SHISA9: variants seen among roughly 807,000 people sequenced by gnomAD.
SHISA9 encodes protein shisa-9.
In SHISA9, 13 loss-of-function variants were observed where a neutral mutation model predicts 38.0. The ratio of observed to expected loss-of-function variants is 0.34; its 90% confidence interval spans 0.22 to 0.54. SHISA9 has a LOEUF of 0.54. Ranked by LOEUF, SHISA9 falls within the 20% of genes least tolerant of loss-of-function variation. The pLI is 0.91. For synonymous variants in SHISA9, 275 were observed against 242.0 expected (o/e 1.14, Z -1.27); for missense variants, 538 against 575.8 (o/e 0.93, Z 0.67).
At position 12,998,935 on chromosome 16, in the gene SHISA9, G is replaced by C. The variant is rs1029975573; in HGVS notation, c.691+82120G>C. Among the ~76,000 whole-genome samples the C allele has an allele frequency of 2.0e-5, 3 of 152,132 alleles. No homozygotes were observed. The South Asian group carries it at 6.2e-4, about 32-fold the overall frequency. On this transcript the variant is annotated intron_variant, in intron 2 of 4. Transcript: ENST00000558583. ...AGCAAATCCCTAACCATTGCTCTTA[G>C]AGGAAATACAGGGTTGGGTTCCTGT... is the stretch of plus-strand genomic sequence containing the variant.
intron 2 of SHISA9, among the ~76,000 whole-genome samples, chr16:13,027,546 C>G (rs2072937714): frequency 6.6e-6 from 1 of 152,096 alleles, no homozygotes. Context: ...AACCCAATGT[C>G]TATCAATGGG....
At chr16:13,499,372 C>T in the SHISA9 span, among the ~76,000 whole-genome samples, 11 of 152,060 alleles carry the variant, frequency 7.2e-5, no homozygotes, top group Non-Finnish European at 1.2e-4. Context: ...ATTCTAAAAG[C>T]GGTGCTCTGT....
chr16:13,470,811 T>C, the SHISA9 span, among the ~76,000 whole-genome samples: 2 of 152,098 alleles, frequency 1.3e-5, no homozygotes, highest in African/African-American at 2.4e-5. Context: ...CATTGAACTG[T>C]GTTAAAGTCC....
At chr16:13,016,816 G>A (rs1567182824) in intron 2 of SHISA9, among the ~76,000 whole-genome samples, 1 of 151,962 alleles carries the variant, frequency 6.6e-6, no homozygotes, top group African/African-American at 2.4e-5. Flanking sequence ...ACATGTTGTT[G>A]TGGTACTTTT....
At chr16:13,550,022 C>CA in the SHISA9 span, among the ~76,000 whole-genome samples, 75,155 of 133,208 alleles carry the variant, frequency 0.56, 20,458 homozygotes, top group Admixed American at 0.66. Flanking sequence ...GACTGTGTCT[C>CA]AAAAAAAAAA....
At chr16:13,330,308 G>A in the SHISA9 span, among the ~76,000 whole-genome samples, 2 of 152,112 alleles carry the variant, frequency 1.3e-5, no homozygotes, top group African/African-American at 4.8e-5. Context: ...TGCATACAGT[G>A]CATCAAAGTG....
intron 4 of SHISA9, among the ~76,000 whole-genome samples, chr16:13,221,406 A>G (rs1220479160): frequency 1.4e-5 from 2 of 145,450 alleles, no homozygotes; most frequent in Admixed American, 6.9e-5. Context: ...ACTTTATACC[A>G]TGTAGTTCAA....
intron 2 of SHISA9, among the ~76,000 whole-genome samples, chr16:13,039,962 C>A (rs948436366): frequency 2.6e-5 from 4 of 152,156 alleles, no homozygotes; most frequent in Non-Finnish European, 5.9e-5. Context: ...TCCCCTGAGT[C>A]CTGCCAACTC....
rs2051413019 is a variant in SHISA9 at position 13,239,011 on chromosome 16, G to C, written c.*3602G>C. On this transcript the variant is annotated 3_prime_UTR_variant, in exon 5 of 5. Coordinates refer to ENST00000558583, the MANE Select transcript of SHISA9 (RefSeq NM_001145204.3). ...TCCCCCCACCCCACAACAGTCCCCA[G>C]AGTGTGATGTTCCCCTTCTTGTGTC... 1 of 106,910 alleles carries C rather than the reference G, an allele frequency of 9.4e-6. No individual in the cohort carries two copies. Among genetic ancestry groups the C allele is most frequent in the South Asian group, 3.1e-4 (1 of 3,210 alleles). The allele number at this position is 106,910 out of a possible 1,614,324, so 6.6% of individuals were successfully genotyped here. A position where few individuals can be genotyped will look rare whatever the true frequency, so the allele number is the denominator to read the frequency against.
At chr16:13,017,045 A>G (rs1395079001) in intron 2 of SHISA9, among the ~76,000 whole-genome samples, 4 of 143,358 alleles carry the variant, frequency 2.8e-5, no homozygotes, top group African/African-American at 5.2e-5. Context: ...TTTGAGACGG[A>G]GTCTTGCTCT....
chr16:13,355,921 G>A, the SHISA9 span, among the ~76,000 whole-genome samples: 2 of 152,212 alleles, frequency 1.3e-5, no homozygotes, highest in African/African-American at 4.8e-5. Context: ...TGCCAGGTGA[G>A]TTGAACAGTC....
chr16:13,388,972 A>G, the SHISA9 span, among the ~76,000 whole-genome samples: 13 of 152,160 alleles, frequency 8.5e-5, no homozygotes, highest in African/African-American at 2.9e-4. Flanking sequence ...AGTAGAAGGT[A>G]TAGAGTTCCC....
intron 2 of SHISA9, among the ~76,000 whole-genome samples, chr16:13,006,154 T>C (rs889675589): frequency 6.6e-6 from 1 of 152,210 alleles, no homozygotes; most frequent in African/African-American, 2.4e-5. Flanking sequence ...GAGACTCACA[T>C]GTGAGCGTTT....
intron 1 of SHISA9, among the ~76,000 whole-genome samples, chr16:12,914,578 C>T (rs2071229512): frequency 6.6e-6 from 1 of 152,108 alleles, no homozygotes; most frequent in African/African-American, 2.4e-5. Context: ...TCATATGGGG[C>T]TCTTGCTGTT....
chr16:13,210,161 C>A (rs1001613929), intron 3 of SHISA9, among the ~76,000 whole-genome samples: 2 of 152,158 alleles, frequency 1.3e-5, no homozygotes, highest in African/African-American at 4.8e-5. Flanking sequence ...ATTGGTACTT[C>A]CAGAACTGGA....
At chr16:12,919,258 C>T (rs1361779412) in intron 2 of SHISA9, among the ~76,000 whole-genome samples, 1 of 152,118 alleles carries the variant, frequency 6.6e-6, no homozygotes, top group African/African-American at 2.4e-5. Flanking sequence ...AGAAGGCACC[C>T]ATTTAATATA....
At chr16:12,972,724 A>G (rs547762396) in intron 2 of SHISA9, among the ~76,000 whole-genome samples, 2 of 152,328 alleles carry the variant, frequency 1.3e-5, no homozygotes, top group Admixed American at 6.5e-5. Flanking sequence ...GCATGTAGCT[A>G]TCGGCTACCA....
At chr16:13,096,143 C>A (rs1011666638) in intron 2 of SHISA9, among the ~76,000 whole-genome samples, 2 of 152,188 alleles carry the variant, frequency 1.3e-5, no homozygotes, top group African/African-American at 4.8e-5. Context: ...CTATGAAGCG[C>A]AGATAATCAT....
At chr16:13,469,753 CAATT>C in the SHISA9 span, among the ~76,000 whole-genome samples, 1 of 143,342 alleles carries the variant, frequency 7.0e-6, no homozygotes, top group Non-Finnish European at 1.5e-5. Context: ...CAGGCTGACA[CAATT>C]AACCAGAGTA....
Sources: gnomAD v4.1 joint callset for allele counts (sites outside exome capture counted in the v4.1 genomes callset) on GRCh38, gnomAD v4.1.1 for gene constraint, MANE v1.5 for transcripts, NCBI Gene and HGNC (gene_info 2026-07-23, HGNC 2026-07-21) for gene names.